The following DIS3L2 variants were observed in gnomAD, a reference collection of about 807,000 sequenced individuals.
DIS3L2 encodes the protein DIS3 like 3'-5' exoribonuclease 2, also known as DIS3-like exonuclease 2.
DIS3L2 carries 34 observed loss-of-function variants against 97.5 expected under a neutral mutation model. That is an observed-to-expected ratio of 0.35 (90% confidence interval 0.27 to 0.46). DIS3L2 has a LOEUF of 0.46. Among genes scored for constraint, DIS3L2 ranks in the 20% least tolerant of loss-of-function variants. DIS3L2 has a pLI of 1.00. For missense variants in DIS3L2, 1,038 were observed against 1,146.0 expected (o/e 0.91, Z 1.36); for synonymous variants, 435 against 445.2 (o/e 0.98, Z 0.29).
chr2:232,054,783 C>A (rs1483149601), intron 5 of DIS3L2, among the ~76,000 whole-genome samples: 1 of 152,062 alleles, frequency 6.6e-6, no homozygotes, highest in Admixed American at 6.6e-5. Context: ...GATATCAAAA[C>A]GTGACAAAGA....
intron 13 of DIS3L2, among the ~76,000 whole-genome samples, chr2:232,288,127 C>G (rs1043002482): frequency 1.3e-5 from 2 of 152,182 alleles, no homozygotes; most frequent in Admixed American, 6.5e-5. Flanking sequence ...AGATTGGCTG[C>G]CCCAGGTCCA....
chr2:232,222,924 A>G (rs950287812), intron 10 of DIS3L2, among the ~76,000 whole-genome samples: 6 of 152,252 alleles, frequency 3.9e-5, no homozygotes, highest in Non-Finnish European at 7.3e-5. Flanking sequence ...TTGAGGACAC[A>G]GAATCTAAGT....
intron 13 of DIS3L2, among the ~76,000 whole-genome samples, chr2:232,284,258 T>A (rs944764821): frequency 6.6e-6 from 1 of 152,134 alleles, no homozygotes; most frequent in Non-Finnish European, 1.5e-5. Flanking sequence ...TCTCGACTTA[T>A]GGGAAAGCAC....
chr2:232,270,180 G>A (rs186667973), intron 13 of DIS3L2, among the ~76,000 whole-genome samples: 5 of 152,150 alleles, frequency 3.3e-5, no homozygotes, highest in East Asian at 3.9e-4. Context: ...AGGCCTCTCC[G>A]GTCCCCTCTT....
intron 6 of DIS3L2, among the ~76,000 whole-genome samples, chr2:232,122,039 A>G (rs1224606537): frequency 6.6e-6 from 1 of 151,884 alleles, no homozygotes; most frequent in African/African-American, 2.4e-5. Flanking sequence ...GCTTCCCAAT[A>G]CTTTAATCAT....
intron 6 of DIS3L2, chr2:232,111,147 G>T (rs1697517671): frequency 2.3e-6 from 1 of 440,228 alleles, no homozygotes; most frequent in South Asian, 1.7e-5. Flanking sequence ...AAACTGCTGT[G>T]CTTAAAAGTT....
intron 1 of DIS3L2, among the ~76,000 whole-genome samples, chr2:231,970,131 A>G (rs887237845): frequency 2.6e-5 from 4 of 151,878 alleles, no homozygotes; most frequent in East Asian, 1.9e-4. Context: ...GTTTTTTAGT[A>G]GAGATGAGGT....
At chr2:232,140,241 C>G (rs1698472724) in intron 8 of DIS3L2, among the ~76,000 whole-genome samples, 1 of 152,184 alleles carries the variant, frequency 6.6e-6, no homozygotes, top group African/African-American at 2.4e-5. Context: ...CCTTGACTCA[C>G]AGGCCTCCCT....
chr2:232,263,423 G>A lies in DIS3L2; in HGVS notation c.1642G>A (p.Ala548Thr), dbSNP rs1017419118. 2.5e-6 allele frequency: 4 copies of A among 1,614,054 alleles called. No individual in the cohort carries two copies. Among genetic ancestry groups the A allele is most frequent in the African/African-American group, 1.3e-5 (1 of 74,930 alleles). The change falls in exon 13 of 21, where the codon GCA becomes ACA. Residue 548 changes from alanine to threonine, a missense_variant. This residue lies in a region of DIS3L2 where 813 missense variants were observed against 880.1 expected (regional missense o/e 0.92). Coordinates refer to ENST00000325385, the MANE Select transcript of DIS3L2 (RefSeq NM_152383.5). ...QLRQQRFVDG[A>T]LRLDQLKLAF... ...ACGCCAGCAGCGCTTTGTGGACGGCGCACTTCGTTTGGATCAGGTCAGTAC... is the reference window on the plus strand; with the variant it reads ...ACGCCAGCAGCGCTTTGTGGACGGCACACTTCGTTTGGATCAGGTCAGTAC...
chr2:232,342,200 TACATATATAC>T (rs57330394), intron 13 of DIS3L2, among the ~76,000 whole-genome samples: 19,897 of 149,950 alleles, frequency 0.13, 2,152 homozygotes, highest in African/African-American at 0.31. Context: ...TATATACACA[TACATATATAC>T]ACATATATAC....
Position 232,300,090 on chromosome 2 carries a change from T to C in DIS3L2, c.1710T>C (p.Cys570=). The C allele has an allele frequency of 1.2e-6, 2 of 1,613,942 alleles. No homozygotes were observed. Among genetic ancestry groups the C allele is most frequent in the Non-Finnish European group, 1.7e-6 (2 of 1,179,842 alleles). The change falls in exon 14 of 21, where the codon TGT becomes TGC. Residue 570 remains cysteine (C), a synonymous_variant. Coordinates refer to ENST00000325385, the MANE Select transcript of DIS3L2 (RefSeq NM_152383.5). ...LDHETGLPQG[C]HIYEYRESNK... Reference sequence around the variant, plus strand: ...ACGAGACCGGATTGCCTCAAGGATGTCATATCTATGAGTACCGCGAGAGCA... The same window carrying C: ...ACGAGACCGGATTGCCTCAAGGATGCCATATCTATGAGTACCGCGAGAGCA...
At chr2:232,095,101 C>G (rs963385048) in intron 6 of DIS3L2, among the ~76,000 whole-genome samples, 37 of 152,072 alleles carry the variant, frequency 2.4e-4, no homozygotes, top group African/African-American at 8.5e-4. Context: ...GTTTTTTCAT[C>G]CATTCAGCCA....
rs539106995 is a variant in DIS3L2, at chr2:232,087,896, AG to A, written c.601+179del. 77 of 582,134 alleles carry A rather than the reference AG, an allele frequency of 1.3e-4. 2 individuals carry two copies. In the South Asian group the frequency reaches 1.7e-3, roughly 13 times the overall value. 36.1% of individuals were successfully genotyped at this position (582,134 alleles called of 1,614,324 possible). ...CAGGTTTAGCTGCTGGTTATGAAAG[AG>A]GGGATGAAAGTGCTTCCAGCGGTTT... is the stretch of plus-strand genomic sequence containing the variant. On this transcript the variant is annotated intron_variant, in intron 6 of 20. Coordinates refer to ENST00000325385, the MANE Select transcript of DIS3L2 (RefSeq NM_152383.5).
intron 10 of DIS3L2, among the ~76,000 whole-genome samples, chr2:232,216,040 C>T (rs1185310918): frequency 6.6e-6 from 1 of 152,232 alleles, no homozygotes; most frequent in Non-Finnish European, 1.5e-5. Context: ...TGAAGTCTCC[C>T]TCATCCTATA....
chr2:232,035,384 A>G (rs1190875391), intron 5 of DIS3L2, among the ~76,000 whole-genome samples: 2 of 152,106 alleles, frequency 1.3e-5, no homozygotes, highest in East Asian at 1.9e-4. Context: ...TATTGAGCCT[A>G]TGTGTGTCTC....
intron 8 of DIS3L2, among the ~76,000 whole-genome samples, chr2:232,147,997 T>TTCTCCTCTCCTCTCC (rs56996184): frequency 5.2e-4 from 51 of 97,562 alleles, no homozygotes; most frequent in Non-Finnish European, 7.7e-4. Flanking sequence ...CTCCCCTCTT[T>TTCTCCTCTCCTCTCC]TCTCCTCTCC....
chr2:232,239,733 C>T (rs1215077897), intron 11 of DIS3L2, among the ~76,000 whole-genome samples: 1 of 152,218 alleles, frequency 6.6e-6, no homozygotes, highest in Non-Finnish European at 1.5e-5. Context: ...GGCTCCACTT[C>T]TAGCAAAGTG....
chr2:232,078,398 G>A (rs1026039912), intron 5 of DIS3L2, among the ~76,000 whole-genome samples: 1 of 152,048 alleles, frequency 6.6e-6, no homozygotes, highest in Non-Finnish European at 1.5e-5. Context: ...CCCGCTCCCC[G>A]GGAGGAAGGG....
chr2:232,263,632 A>G (rs1242427247), intron 13 of DIS3L2, among the ~76,000 whole-genome samples, 192 bp downstream of exon 13: 3 of 152,110 alleles, frequency 2.0e-5, no homozygotes, highest in Admixed American at 1.3e-4. Flanking sequence ...ATTATGCAAA[A>G]TATTCTGTAT....
Sources: gnomAD v4.1 joint callset for allele counts (sites outside exome capture counted in the v4.1 genomes callset) on GRCh38, gnomAD v4.1.1 for gene constraint, gnomAD v4.1.1 regional missense constraint, MANE v1.5 for transcripts, NCBI Gene and HGNC (gene_info 2026-07-23, HGNC 2026-07-21) for gene names.